MED13L: variants seen among roughly 807,000 people sequenced by gnomAD.
The protein encoded by MED13L is mediator of RNA polymerase II transcription subunit 13-like.
Under a neutral mutation model 220.9 loss-of-function variants are expected in MED13L, and 7 were observed. The observed-to-expected ratio is 0.03, with a 90% CI of 0.02 to 0.06. The LOEUF (loss-of-function observed/expected upper bound fraction) is 0.06. Among genes scored for constraint, MED13L ranks in the 10% least tolerant of loss-of-function variants. The pLI, the probability that MED13L is intolerant of heterozygous loss-of-function variation, is 1.00. For synonymous variants in MED13L, 1,011 were observed against 1,015.2 expected (o/e 1.00, Z 0.08); for missense variants, 1,965 against 2,760.5 (o/e 0.71, Z 6.46).
intron 2 of MED13L, among the ~76,000 whole-genome samples, chr12:116,188,341 C>T (rs1216471401): frequency 2.0e-5 from 3 of 151,970 alleles, no homozygotes; most frequent in African/African-American, 4.8e-5. Flanking sequence ...ATTGAAGATC[C>T]TCAATTTTCA....
At chr12:116,005,276 G>A (rs1191877459) in intron 13 of MED13L, among the ~76,000 whole-genome samples, 2 of 152,308 alleles carry the variant, frequency 1.3e-5, no homozygotes, top group Non-Finnish European at 2.9e-5. Flanking sequence ...TTAGGAGGAT[G>A]AGGACACACA....
chr12:116,067,887 C>A (rs181235191), intron 4 of MED13L, among the ~76,000 whole-genome samples: 1 of 152,254 alleles, frequency 6.6e-6, no homozygotes, highest in Admixed American at 6.5e-5. Flanking sequence ...CAATAAAGGA[C>A]AACAAAGAGA....
intron 29 of MED13L, among the ~76,000 whole-genome samples, chr12:115,964,529 CTCTT>C (rs986702399): frequency 1.3e-5 from 2 of 152,146 alleles, no homozygotes; most frequent in Admixed American, 6.5e-5. Flanking sequence ...ATGCTTCTTT[CTCTT>C]TATTTTTTTA....
chr12:116,030,149 G>A (rs547773391), intron 4 of MED13L, among the ~76,000 whole-genome samples: 2 of 152,094 alleles, frequency 1.3e-5, no homozygotes, highest in African/African-American at 2.4e-5. Context: ...TGTATTTTTC[G>A]TAGAGACGGG....
At chr12:116,172,943 A>C (rs998814833) in intron 2 of MED13L, among the ~76,000 whole-genome samples, 1 of 151,804 alleles carries the variant, frequency 6.6e-6, no homozygotes. Context: ...AAAAAAAAAA[A>C]AACAAGTACT....
rs200027979 is a variant in MED13L, at chr12:116,241,332, C to CAA, written c.73-3629_73-3628dup. The stretch of plus-strand genomic sequence containing the variant: ...AAAAAAAAAACAAAAAACAAAAAAA[C>CAA]AAAAAAAAAACACACACACACACAC... On this transcript the variant is annotated intron_variant, in intron 1 of 30. Transcript: ENST00000281928. 2.7e-3 allele frequency among the ~76,000 whole-genome samples: 395 copies of CAA among 145,396 alleles called. 3 individuals carry two copies. The highest frequency in any genetic ancestry group is 0.022 in the East Asian group (111 of 5,064).
chr12:116,190,452 A>G (rs1881200273), intron 2 of MED13L, among the ~76,000 whole-genome samples: 1 of 152,332 alleles, frequency 6.6e-6, no homozygotes, highest in Admixed American at 6.5e-5. Context: ...GGAACTTGTG[A>G]ATACAGAAAA....
At chr12:116,152,531 C>G (rs149428761) in intron 2 of MED13L, among the ~76,000 whole-genome samples, 2 of 152,080 alleles carry the variant, frequency 1.3e-5, no homozygotes, top group African/African-American at 2.4e-5. Flanking sequence ...TACTCCCTTG[C>G]GGCTTGCCAC....
intron 4 of MED13L, among the ~76,000 whole-genome samples, chr12:116,085,119 C>T (rs746086496): frequency 1.3e-5 from 2 of 152,116 alleles, no homozygotes; most frequent in Non-Finnish European, 2.9e-5. Context: ...CCTCTGTGTG[C>T]AAATTCCTAC....
chr12:116,164,648 C>T (rs1356357046), intron 2 of MED13L, among the ~76,000 whole-genome samples: 2 of 152,140 alleles, frequency 1.3e-5, no homozygotes, highest in African/African-American at 2.4e-5. Context: ...TATAATTTCA[C>T]ACAGCACCAT....
At chr12:115,967,390 T>C (rs2137209203) in intron 28 of MED13L, among the ~76,000 whole-genome samples, 1 of 152,282 alleles carries the variant, frequency 6.6e-6, no homozygotes, top group Non-Finnish European at 1.5e-5. Context: ...GGAGGTCACC[T>C]GGCTGCAGGT....
rs1875569154 is a variant in MED13L, at chr12:115,958,697, A to G, written c.*2569T>C. The G allele has an allele frequency of 6.6e-6, 1 of 152,360 alleles. No homozygotes were observed. Among genetic ancestry groups the G allele is most frequent in the Non-Finnish European group, 1.5e-5 (1 of 68,036 alleles). The allele number at this position is 152,360 out of a possible 1,614,324, so 9.4% of individuals were successfully genotyped here. A position where few individuals can be genotyped will look rare whatever the true frequency, so the allele number is the denominator to read the frequency against. On this transcript the variant is annotated 3_prime_UTR_variant, in exon 31 of 31. Coordinates refer to ENST00000281928, the MANE Select transcript of MED13L (RefSeq NM_015335.5). ...TTTTATTATTGTTTCTTTTTATCAA[A>G]GTCTTTTAGTGTACTGTACCAGCGC...
In MED13L at chr12:116,077,709, T is replaced by C. The variant is rs940720158; in HGVS notation, c.479+18960A>G. On this transcript the variant is annotated intron_variant, in intron 4 of 30. Coordinates refer to ENST00000281928, the MANE Select transcript of MED13L (RefSeq NM_015335.5). ...AAACTGGGTGGCCAGGCAGTGGATA[T>C]AGAAGACTTACTTTCTCACCCTATA... Among the ~76,000 whole-genome samples, 11 of 152,204 alleles carry C rather than the reference T, an allele frequency of 7.2e-5. No individual in the cohort carries two copies. In the South Asian group the frequency reaches 8.3e-4, roughly 11 times the overall value.
At chr12:115,996,388 G>A (rs961476103) in intron 16 of MED13L, 88 bp downstream of exon 16, 62 of 1,480,200 alleles carry the variant, frequency 4.2e-5, no homozygotes, top group African/African-American at 2.2e-4. Flanking sequence ...CACCGCGCCC[G>A]GACCTTGTCA....
intron 25 of MED13L, chr12:115,972,453 T>C: frequency 1.8e-6 from 1 of 562,944 alleles, no homozygotes; most frequent in South Asian, 1.8e-5. Flanking sequence ...ATTCTGTGGC[T>C]GAAGTCATGT....
chr12:116,026,130 G>C (rs987429638), intron 4 of MED13L, among the ~76,000 whole-genome samples: 1 of 152,160 alleles, frequency 6.6e-6, no homozygotes, highest in African/African-American at 2.4e-5. Flanking sequence ...GATGTGACTG[G>C]AAAGGAGTCA....
chr12:116,149,737 A>T (rs1565901141), intron 2 of MED13L, among the ~76,000 whole-genome samples: 1 of 151,200 alleles, frequency 6.6e-6, no homozygotes, highest in Non-Finnish European at 1.5e-5. Flanking sequence ...AAGAAACAAC[A>T]TGAATAAAAA....
chr12:116,046,212 AG>A (rs1881824628), intron 4 of MED13L, among the ~76,000 whole-genome samples: 1 of 151,866 alleles, frequency 6.6e-6, no homozygotes, highest in South Asian at 2.1e-4. Flanking sequence ...ACAAGTGCTG[AG>A]TTTTTTATTT....
At chr12:116,237,774 T>C (rs1204003705) in intron 1 of MED13L, 69 bp from the exon 2 acceptor site, 13 of 1,303,932 alleles carry the variant, frequency 1.0e-5, no homozygotes, top group African/African-American at 4.4e-5. Flanking sequence ...CAGTCTTCCA[T>C]ACAGAAAAGC....
Sources: allele counts gnomAD v4.1 joint callset (sites outside exome capture counted in the v4.1 genomes callset), GRCh38; gene constraint gnomAD v4.1.1; transcripts MANE v1.5; gene names NCBI Gene and HGNC (gene_info 2026-07-23, HGNC 2026-07-21).